The following ABCB1 variants were observed in gnomAD, a reference collection of about 807,000 sequenced individuals.
ABCB1 encodes the protein ATP binding cassette subfamily B member 1, also known as ATP-dependent translocase ABCB1.
A neutral mutation model predicts 142.0 loss-of-function variants in ABCB1; 69 were observed. The observed-to-expected ratio is 0.49, with a 90% CI of 0.40 to 0.59. ABCB1 has a LOEUF of 0.59. Ranked by LOEUF, ABCB1 falls within the 20% of genes least tolerant of loss-of-function variation. The pLI, the probability that ABCB1 is intolerant of heterozygous loss-of-function variation, is 0.00. For synonymous variants in ABCB1, 532 were observed against 539.2 expected, an observed-to-expected ratio of 0.99 and a Z score of 0.18; for missense variants, 1,326 against 1,554.7, an observed-to-expected ratio of 0.85 and a Z score of 2.47.
At chr7:87,660,115 G>A (rs753481872) in intron 1 of ABCB1, among the ~76,000 whole-genome samples, 1 of 152,042 alleles carries the variant, frequency 6.6e-6, no homozygotes, top group Non-Finnish European at 1.5e-5. Context: ...CCTCAAAAAT[G>A]CATTGCAGGT....
chr7:87,550,611 G>T, intron 10 of ABCB1, 33 bp from the exon 11 acceptor site: 1 of 1,595,866 alleles, frequency 6.3e-7, no homozygotes, highest in Non-Finnish European at 8.6e-7. Flanking sequence ...AGATTACTAG[G>T]TTACAATAAC....
At position 87,531,361 on chromosome 7, in the gene ABCB1, A is replaced by G; in HGVS notation, c.2618T>C (p.Val873Ala). Residue 873 changes from valine to alanine, a missense_variant, in exon 21 of 28, where the codon GTT (valine) becomes GCT (alanine). By Grantham distance (64) the Val-to-Ala change is moderately conservative (BLOSUM62 0). Transcript: ENST00000622132. ...AIVPIIAIAG[V>A]VEMKMLSGQA... is the part of the protein sequence containing the mutation. ...TCCAGACAACATTTTCATTTCAACA[A>G]CTCCTGCTATTGCAATGATGGGTAC... The G allele has an allele frequency of 1.2e-6, 2 of 1,613,384 alleles. No individual in the cohort carries two copies. Among genetic ancestry groups the G allele is most frequent in the Non-Finnish European group, 1.7e-6 (2 of 1,179,704 alleles).
chr7:87,521,960 AC>A, intron 21 of ABCB1: 1 of 800,190 alleles, frequency 1.2e-6, no homozygotes, highest in Non-Finnish European at 2.2e-6. Context: ...ACTGAGAAAT[AC>A]CCATACTGTG....
intron 7 of ABCB1, among the ~76,000 whole-genome samples, chr7:87,563,059 T>C (rs1236968915): frequency 6.6e-6 from 1 of 152,144 alleles, no homozygotes; most frequent in Non-Finnish European, 1.5e-5. Context: ...CTAGAAAATC[T>C]AGAATAAATG....
intron 26 of ABCB1, among the ~76,000 whole-genome samples, chr7:87,507,382 C>A (rs1439069401): frequency 1.3e-5 from 2 of 152,228 alleles, no homozygotes; most frequent in Non-Finnish European, 2.9e-5. Context: ...ATTACCTGGG[C>A]TCTTAAAACG....
At chr7:87,572,933 A>G (rs907845486) in intron 4 of ABCB1, among the ~76,000 whole-genome samples, 1 of 152,042 alleles carries the variant, frequency 6.6e-6, no homozygotes, top group African/African-American at 2.4e-5. Context: ...ATCAGGAAAA[A>G]TAACTAGTGG....
intron 26 of ABCB1, among the ~76,000 whole-genome samples, chr7:87,508,063 T>C (rs1043293891): frequency 1.3e-5 from 2 of 152,144 alleles, no homozygotes; most frequent in East Asian, 1.9e-4. Context: ...GGATCATTTG[T>C]ACCCTGAAAC....
At chr7:87,508,466 T>G (rs1814847761) in intron 26 of ABCB1, among the ~76,000 whole-genome samples, 1 of 152,190 alleles carries the variant, frequency 6.6e-6, no homozygotes, top group South Asian at 2.1e-4. Flanking sequence ...ATAGTCAACT[T>G]GTATTCCAAA....
chr7:87,540,864 A>T (rs1279241616), intron 18 of ABCB1, among the ~76,000 whole-genome samples: 1 of 152,160 alleles, frequency 6.6e-6, no homozygotes, highest in East Asian at 1.9e-4. Flanking sequence ...TTGTTGGAGG[A>T]TTGACATTCT....
chr7:87,534,359 T>C (rs1269709837), intron 20 of ABCB1, among the ~76,000 whole-genome samples: 4 of 152,208 alleles, frequency 2.6e-5, no homozygotes, highest in Admixed American at 2.6e-4. Context: ...CAAAGACTAA[T>C]GCTCACTGTC....
At chr7:87,709,594 A>G (rs1829890302) in intron 1 of ABCB1, 2 of 816,024 alleles carry the variant, frequency 2.5e-6, no homozygotes, top group Admixed American at 1.2e-4. Flanking sequence ...GACAGGTTTT[A>G]ACTACTGCCT....
intron 17 of ABCB1, among the ~76,000 whole-genome samples, chr7:87,541,901 C>T (rs1052623810): frequency 6.6e-6 from 1 of 152,112 alleles, no homozygotes; most frequent in Non-Finnish European, 1.5e-5. Context: ...TCAGCCCAGG[C>T]CTTTCAAAAA....
intron 14 of ABCB1, among the ~76,000 whole-genome samples, 165 bp downstream of exon 14, chr7:87,549,183 A>G (rs1258837933): frequency 6.6e-6 from 1 of 152,242 alleles, no homozygotes; most frequent in Non-Finnish European, 1.5e-5. Flanking sequence ...AAACAAACAA[A>G]TAGAAAAAGA....
chr7:87,678,164 T>C (rs1826566892), intron 1 of ABCB1, among the ~76,000 whole-genome samples: 1 of 152,214 alleles, frequency 6.6e-6, no homozygotes, highest in South Asian at 2.1e-4. Flanking sequence ...TCTCCTCTAT[T>C]AAGGTCTTTC....
At chr7:87,565,759 T>G (rs76987142) in intron 7 of ABCB1, among the ~76,000 whole-genome samples, 1,577 of 152,222 alleles carry the variant, frequency 0.01, 26 homozygotes, top group African/African-American at 0.033. Context: ...AAGTTTTTTT[T>G]TTTTGTTTTG....
intron 7 of ABCB1, among the ~76,000 whole-genome samples, chr7:87,563,808 T>C (rs1453166822): frequency 6.6e-6 from 1 of 152,068 alleles, no homozygotes; most frequent in African/African-American, 2.4e-5. Flanking sequence ...ATGTGGTACA[T>C]AGACACCATG....
At chr7:87,575,742 G>A (rs1458244971) in intron 4 of ABCB1, among the ~76,000 whole-genome samples, 1 of 152,158 alleles carries the variant, frequency 6.6e-6, no homozygotes, top group Admixed American at 6.5e-5. Flanking sequence ...AGGAACTACA[G>A]TCTTTTTATG....
At chr7:87,530,838 CAAGA>C (rs1217650542) in intron 21 of ABCB1, among the ~76,000 whole-genome samples, 4,780 of 70,788 alleles carry the variant, frequency 0.068, 158 homozygotes, top group African/African-American at 0.088. Context: ...AGCAAGAAAG[CAAGA>C]AAGAAAGAAA....
chr7:87,595,742 A>C, intron 3 of ABCB1, 24 bp downstream of exon 3: 1 of 1,569,424 alleles, frequency 6.4e-7, no homozygotes, highest in South Asian at 1.1e-5. Context: ...AGTATTTTGA[A>C]TAGTTAATAA....
Sources: gnomAD v4.1 joint callset for allele counts (sites outside exome capture counted in the v4.1 genomes callset) on GRCh38, gnomAD v4.1.1 for gene constraint, MANE v1.5 for transcripts, NCBI Gene and HGNC (gene_info 2026-07-23, HGNC 2026-07-21) for gene names.